Variants in GRID2 observed in about 807,000 individuals in gnomAD.
The protein encoded by GRID2 is glutamate receptor ionotropic, delta-2.
GRID2 carries 33 observed loss-of-function variants against 114.8 expected under a neutral mutation model. The observed-to-expected ratio is 0.29, with a 90% CI of 0.22 to 0.38. The LOEUF (loss-of-function observed/expected upper bound fraction) is 0.38, where lower values mean the gene tolerates loss of function less well. GRID2 is among the 10% of genes least tolerant of loss of function. GRID2 has a pLI of 1.00. For synonymous variants in GRID2, 505 were observed against 449.9 expected, an observed-to-expected ratio of 1.12 and a Z score of -1.55; for missense variants, 1,184 against 1,257.7, an observed-to-expected ratio of 0.94 and a Z score of 0.89.
rs869285420 is a variant in GRID2, at chr4:92,965,450, T to TAAAAA, written c.245-119510_245-119506dup. Among the ~76,000 whole-genome samples the TAAAAA allele has an allele frequency of 6.3e-3, 543 of 85,586 alleles. 31 individuals are homozygous for TAAAAA. Among genetic ancestry groups the TAAAAA allele is most frequent in the Non-Finnish European group, 9.4e-3 (392 of 41,722 alleles). The allele number at this position is 85,586 out of a possible 152,430, so 56.1% of individuals were successfully genotyped here. ...AGGGTTGCCATAAACATTCAATTTG[T>TAAAAA]AAAAAAAAAAAAAAAAAAAAAAAAA... is the stretch of plus-strand genomic sequence containing the variant. On this transcript the variant is annotated intron_variant, in intron 2 of 15. Coordinates refer to ENST00000282020, the MANE Select transcript of GRID2 (RefSeq NM_001510.4).
At chr4:93,660,230 C>T (rs1723369439) in intron 14 of GRID2, among the ~76,000 whole-genome samples, 1 of 152,058 alleles carries the variant, frequency 6.6e-6, no homozygotes, top group East Asian at 1.9e-4. Flanking sequence ...CCAGTCAAAA[C>T]AGCTCCTATA....
chr4:92,610,728 A>G (rs1729678377), intron 2 of GRID2, among the ~76,000 whole-genome samples: 1 of 151,658 alleles, frequency 6.6e-6, no homozygotes, highest in East Asian at 1.9e-4. Context: ...CAATCAATTG[A>G]CAGTTCCATA....
intron 1 of GRID2, among the ~76,000 whole-genome samples, chr4:92,488,060 G>T (rs1722978388): frequency 6.6e-6 from 1 of 152,010 alleles, no homozygotes; most frequent in Non-Finnish European, 1.5e-5. Flanking sequence ...CGATTCTGTT[G>T]ATGAATTCAC....
intron 2 of GRID2, among the ~76,000 whole-genome samples, chr4:92,892,934 T>C (rs1400111354): frequency 6.6e-6 from 1 of 152,176 alleles, no homozygotes; most frequent in Non-Finnish European, 1.5e-5. Flanking sequence ...ATGCAGCATT[T>C]CATTACAGCA....
At chr4:92,801,332 A>G (rs1740158043) in intron 2 of GRID2, among the ~76,000 whole-genome samples, 2 of 152,002 alleles carry the variant, frequency 1.3e-5, no homozygotes, top group Non-Finnish European at 2.9e-5. Context: ...AGTTTATGGC[A>G]TATTAATCAT....
chr4:93,330,296 C>G, intron 8 of GRID2, among the ~76,000 whole-genome samples: 1 of 152,120 alleles, frequency 6.6e-6, no homozygotes, highest in Admixed American at 6.6e-5. Flanking sequence ...GTGGAAGACC[C>G]TTATTTCTCC....
chr4:93,333,503 C>T (rs1208352896), intron 8 of GRID2, among the ~76,000 whole-genome samples: 1 of 152,120 alleles, frequency 6.6e-6, no homozygotes, highest in Non-Finnish European at 1.5e-5. Flanking sequence ...AATTCAAAAC[C>T]TTTTTCTTGT....
At chr4:93,480,802 A>G (rs886363971) in intron 11 of GRID2, among the ~76,000 whole-genome samples, 3 of 152,022 alleles carry the variant, frequency 2.0e-5, no homozygotes, top group Non-Finnish European at 4.4e-5. Flanking sequence ...GCCCCCTTCC[A>G]TGCATTTTTT....
chr4:93,564,232 T>G (rs560214188), intron 13 of GRID2, among the ~76,000 whole-genome samples: 1 of 152,038 alleles, frequency 6.6e-6, no homozygotes, highest in Non-Finnish European at 1.5e-5. Flanking sequence ...GACTTGATTT[T>G]GCGTGATTGG....
chr4:92,813,098 C>T (rs1740731810), intron 2 of GRID2, among the ~76,000 whole-genome samples: 1 of 152,000 alleles, frequency 6.6e-6, no homozygotes, highest in Non-Finnish European at 1.5e-5. Flanking sequence ...AATCTTTATG[C>T]CCTGCAGTTC....
At chr4:93,630,968 A>G (rs748757088) in intron 14 of GRID2, among the ~76,000 whole-genome samples, 10 of 152,194 alleles carry the variant, frequency 6.6e-5, no homozygotes, top group Non-Finnish European at 1.5e-4. Context: ...CTAGACTCTC[A>G]GCTACTACAC....
intron 14 of GRID2, among the ~76,000 whole-genome samples, chr4:93,633,867 G>T (rs1108560): frequency 0.27 from 41,308 of 151,904 alleles, 6,023 homozygotes; most frequent in East Asian, 0.59. Context: ...GGAATGGGGT[G>T]CTTTCCAAGC....
intron 8 of GRID2, among the ~76,000 whole-genome samples, chr4:93,358,283 C>G (rs1400047517): frequency 1.3e-5 from 2 of 151,702 alleles, no homozygotes; most frequent in Non-Finnish European, 3.0e-5. Context: ...TTAACAGTAG[C>G]AAAAATGACT....
At chr4:92,604,469 A>T (rs1304200566) in intron 2 of GRID2, among the ~76,000 whole-genome samples, 1 of 152,112 alleles carries the variant, frequency 6.6e-6, no homozygotes, top group Non-Finnish European at 1.5e-5. Context: ...GTTCTCACTT[A>T]TAAGTGGGAG....
chr4:92,759,049 T>A (rs992469820), intron 2 of GRID2, among the ~76,000 whole-genome samples: 2 of 152,194 alleles, frequency 1.3e-5, no homozygotes, highest in Admixed American at 6.5e-5. Context: ...TCAGTCAAGA[T>A]GTCCACAAAT....
intron 2 of GRID2, among the ~76,000 whole-genome samples, chr4:92,900,251 C>T (rs1191050231): frequency 6.6e-6 from 1 of 152,138 alleles, no homozygotes; most frequent in East Asian, 1.9e-4. Flanking sequence ...CAGAGACAAT[C>T]ATTTAACGTT....
At chr4:93,316,678 A>G (rs1490201115) in intron 8 of GRID2, among the ~76,000 whole-genome samples, 2 of 152,150 alleles carry the variant, frequency 1.3e-5, no homozygotes, top group African/African-American at 2.4e-5. Flanking sequence ...TTATCCATCA[A>G]GGTGATTTTG....
At chr4:93,504,484 A>G (rs978807033) in intron 12 of GRID2, among the ~76,000 whole-genome samples, 2 of 152,060 alleles carry the variant, frequency 1.3e-5, no homozygotes, top group Non-Finnish European at 2.9e-5. Context: ...ATTATTGACT[A>G]GAACTCCACT....
rs540190109 is a variant in GRID2, at chr4:93,280,676, T to A, written c.1245+42186T>A. ...TTAAATGAGGGAGGAGGATTTTTGT[T>A]ATCTGGTTAATCCTGATTATGGGAA... On this transcript the variant is annotated intron_variant, in intron 8 of 15. Coordinates refer to ENST00000282020, the MANE Select transcript of GRID2 (RefSeq NM_001510.4). Among the ~76,000 whole-genome samples the A allele has an allele frequency of 3.3e-5, 5 of 152,110 alleles. No individual in the cohort carries two copies. In the East Asian group the frequency reaches 9.7e-4, roughly 29 times the overall value.
Sources: gnomAD v4.1 joint callset for allele counts (sites outside exome capture counted in the v4.1 genomes callset) on GRCh38, gnomAD v4.1.1 for gene constraint, MANE v1.5 for transcripts, NCBI Gene and HGNC (gene_info 2026-07-23, HGNC 2026-07-21) for gene names.